The following BNIP2 variants were observed in gnomAD, a reference collection of about 807,000 sequenced individuals.
BNIP2 encodes the protein BCL2/adenovirus E1B 19 kDa protein-interacting protein 2.
A neutral mutation model predicts 43.4 loss-of-function variants in BNIP2; 36 were observed. The observed-to-expected ratio is 0.83, with a 90% CI of 0.64 to 1.10. The LOEUF (loss-of-function observed/expected upper bound fraction) is 1.10, where lower values mean the gene tolerates loss of function less well. Among genes scored for constraint, BNIP2 ranks in the 50% least tolerant of loss-of-function variants. The pLI is 0.00. For synonymous variants in BNIP2, 146 were observed against 121.0 expected (o/e 1.21, Z -1.35); for missense variants, 417 against 374.1 (o/e 1.11, Z -0.95).
At chr15:59,681,236 T>C (rs6151497) in intron 2 of BNIP2, among the ~76,000 whole-genome samples, 12,238 of 152,214 alleles carry the variant, frequency 0.08, 777 homozygotes, top group East Asian at 0.29. Context: ...AGGCACCTGA[T>C]TATGCACTAG....
At chr15:59,668,673 C>A in intron 9 of BNIP2, 2 of 465,670 alleles carry the variant, frequency 4.3e-6, no homozygotes, top group Non-Finnish European at 7.6e-6. Flanking sequence ...AATAATTTAT[C>A]CTAGTTCTTC....
Position 59,680,273 on chromosome 15 carries a change from A to T in BNIP2, c.86T>A (p.Ile29Lys). 1.2e-6 allele frequency: 2 copies of T among 1,603,558 alleles called. No homozygotes were observed. Residue 29 changes from isoleucine to lysine, a missense_variant, in exon 3 of 10, where the codon ATA becomes AAA. Physicochemically the swap from Ile to Lys is moderately radical, Grantham distance 102 (BLOSUM62 -3). Transcript: ENST00000607373. ...LPEDDSIEAD[I>K]LAITGPEDQP... ...GTCCTCTGGTCCAGTTATAGCTAGT[A>T]TATCTGCTTCAATACTATCATCTTC... is the stretch of plus-strand genomic sequence containing the variant.
In BNIP2 at chr15:59,668,294, G is replaced by A. The variant is rs535243243; in HGVS notation, c.893+598C>T. ...AAGTAAAAATTTACTTAATAAATCT[G>A]ACTTTCATACATTAAATAGACTAAA... On this transcript the variant is annotated intron_variant, in intron 9 of 9. Transcript: ENST00000607373. Among the ~76,000 whole-genome samples the A allele has an allele frequency of 4.2e-4, 64 of 152,220 alleles. 2 individuals are homozygous for A. The Middle Eastern group carries it at 0.01, about 24-fold the overall frequency.
At chr15:59,682,378 A>C in intron 2 of BNIP2, 30 bp downstream of exon 2, 1 of 1,569,988 alleles carries the variant, frequency 6.4e-7, no homozygotes, top group Non-Finnish European at 8.6e-7. Context: ...TTTTGCTCTA[A>C]AATTGTTTTC....
intron 9 of BNIP2, 119 bp downstream of exon 9, chr15:59,668,773 C>CAT (rs1491468718): frequency 2.0e-4 from 164 of 817,576 alleles, no homozygotes; most frequent in African/African-American, 2.0e-3. Context: ...CACACACACA[C>CAT]GCGCGCGCGC....
rs1241205573 is a variant in BNIP2, at chr15:59,664,021, C to G, written c.*48G>C. On this transcript the variant is annotated 3_prime_UTR_variant, in exon 10 of 10. Transcript: ENST00000607373. ...ATGCATTATGAATGCAGAAACAGCA[C>G]TGCTCCATCAGCACATTCTTCAGTC... 5 of 1,399,394 alleles carry G rather than the reference C, an allele frequency of 3.6e-6. No homozygotes were observed. The highest frequency in any genetic ancestry group is 2.4e-5 in the Admixed American group (1 of 41,824). The allele number at this position is 1,399,394 out of a possible 1,614,324, so 86.7% of individuals were successfully genotyped here. A position where few individuals can be genotyped will look rare whatever the true frequency, so the allele number is the denominator to read the frequency against.
At chr15:59,666,380 G>A (rs1441676422) in intron 9 of BNIP2, among the ~76,000 whole-genome samples, 1 of 152,134 alleles carries the variant, frequency 6.6e-6, no homozygotes, top group Non-Finnish European at 1.5e-5. Flanking sequence ...GTAAAGTTTG[G>A]TTTAGGCTGG....
chr15:59,679,528 G>T, intron 4 of BNIP2, 64 bp downstream of exon 4: 3 of 1,461,872 alleles, frequency 2.1e-6, no homozygotes, highest in Non-Finnish European at 2.8e-6. Flanking sequence ...AAAGAATGAT[G>T]TATTTCAAAC....
At chr15:59,677,109 G>A (rs1453860684) in intron 5 of BNIP2, 17 of 1,607,292 alleles carry the variant, frequency 1.1e-5, no homozygotes, top group Non-Finnish European at 1.4e-5. Flanking sequence ...AATGGGCAAG[G>A]TCAAGGATAT....
At chr15:59,666,718 T>C (rs763531141) in intron 9 of BNIP2, among the ~76,000 whole-genome samples, 11 of 152,172 alleles carry the variant, frequency 7.2e-5, no homozygotes, top group Non-Finnish European at 1.2e-4. Flanking sequence ...TTAAATTTTA[T>C]CATTTTCAGA....
Position 59,680,233 on chromosome 15 carries a change from G to T in BNIP2, c.118+8C>A. The T allele has an allele frequency of 6.4e-7, 1 of 1,565,056 alleles. No homozygotes were observed. ...TAATTTCAATGAAAGTAAGTGTCAA[G>T]CTCTTACCAGGCTGGTCCTCTGGTC... On this transcript the variant is annotated splice_region_variant and intron_variant, in intron 3 of 9. Coordinates refer to ENST00000607373, the MANE Select transcript of BNIP2 (RefSeq NM_004330.4).
intron 5 of BNIP2, among the ~76,000 whole-genome samples, chr15:59,674,804 T>C (rs1267723414): frequency 1.3e-5 from 2 of 152,218 alleles, no homozygotes; most frequent in East Asian, 1.9e-4. Context: ...CTTCTATATA[T>C]GGTACTGTTA....
At chr15:59,682,608 G>A (rs1290563823) in intron 1 of BNIP2, 94 bp from the exon 2 acceptor site, 95 of 941,888 alleles carry the variant, frequency 1.0e-4, no homozygotes, top group Non-Finnish European at 1.4e-4. Context: ...CATACTTGAT[G>A]TTTAGTACAA....
intron 9 of BNIP2, among the ~76,000 whole-genome samples, chr15:59,666,787 GA>G (rs1444696094): frequency 7.9e-4 from 120 of 151,142 alleles, no homozygotes; most frequent in African/African-American, 2.7e-3. Flanking sequence ...GAACGTTTTT[GA>G]AAGATACATG....
chr15:59,686,810 A>G (rs1297410786), intron 1 of BNIP2, among the ~76,000 whole-genome samples: 1 of 152,130 alleles, frequency 6.6e-6, no homozygotes, highest in Non-Finnish European at 1.5e-5. Context: ...TGACGTCAGG[A>G]GTTCAAGACC....
intron 5 of BNIP2, among the ~76,000 whole-genome samples, chr15:59,676,452 T>C (rs6151526): frequency 6.6e-5 from 10 of 152,096 alleles, no homozygotes; most frequent in African/African-American, 2.2e-4. Context: ...GCCTCCCAAA[T>C]TGCTGGGATT....
At chr15:59,679,403 G>A (rs569941982) in intron 4 of BNIP2, 189 bp downstream of exon 4, 13 of 485,286 alleles carry the variant, frequency 2.7e-5, no homozygotes, top group African/African-American at 2.4e-4. Context: ...AGAGCAGTGG[G>A]CAAATAAGAG....
Position 59,671,534 on chromosome 15 carries a change from A to C in BNIP2, c.576-220T>G, listed in dbSNP as rs538546463. The stretch of plus-strand genomic sequence containing the variant: ...ATGATTTGCTCCTGGGATTTGCTTC[A>C]AACTTGTAAACTGGGGGTTAGAAGT... On this transcript the variant is annotated intron_variant, in intron 6 of 9. Transcript: ENST00000607373. Among the ~76,000 whole-genome samples, 50 of 152,334 alleles carry C rather than the reference A, an allele frequency of 3.3e-4. 1 individual carries two copies. The highest frequency in any genetic ancestry group is 1.2e-3 in the African/African-American group (48 of 41,570).
chr15:59,664,059 G>C lies in BNIP2; in HGVS notation c.*10C>G, dbSNP rs1328026939. The C allele has an allele frequency of 1.3e-6, 2 of 1,542,576 alleles. No homozygotes were observed. Among genetic ancestry groups the C allele is most frequent in the South Asian group, 2.4e-5 (2 of 82,254 alleles). ...ACATTCTTCAGTCTTGTTTGGACTA[G>C]ATGCCAAACTTACTGTTCATTTTTC... On this transcript the variant is annotated 3_prime_UTR_variant, in exon 10 of 10. Transcript: ENST00000607373.
Sources: gnomAD v4.1 joint callset for allele counts (sites outside exome capture counted in the v4.1 genomes callset) on GRCh38, gnomAD v4.1.1 for gene constraint, MANE v1.5 for transcripts, NCBI Gene and HGNC (gene_info 2026-07-23, HGNC 2026-07-21) for gene names.